The following SLC12A3 variants were observed in gnomAD, a reference collection of about 807,000 sequenced individuals.
SLC12A3 encodes solute carrier family 12 member 3, also known as Na-Cl cotransporter.
Under a neutral mutation model 121.0 loss-of-function variants are expected in SLC12A3, and 104 were observed. The ratio of observed to expected loss-of-function variants is 0.86; its 90% CI spans 0.73 to 1.01. The LOEUF is 1.01. Among genes scored for constraint, SLC12A3 ranks in the 50% least tolerant of loss-of-function variants. The probability of loss-of-function intolerance (pLI) is 0.00; values close to 1 mark genes in which losing one functional copy is unlikely to be tolerated. For missense variants in SLC12A3, 1,328 were observed against 1,356.3 expected (o/e 0.98, Z 0.33); for synonymous variants, 536 against 533.4 (o/e 1.00, Z -0.07).
intron 24 of SLC12A3, chr16:56,904,136 C>A (rs1203989164): frequency 2.3e-6 from 1 of 440,038 alleles, no homozygotes; most frequent in Admixed American, 3.2e-5. Context: ...TCTCTTCCCT[C>A]TACCCTGCTG....
intron 2 of SLC12A3, 95 bp downstream of exon 2, chr16:56,867,311 G>A: frequency 7.7e-7 from 1 of 1,304,676 alleles, no homozygotes; most frequent in East Asian, 2.5e-5. Flanking sequence ...GCCCTGGTGG[G>A]GCTTCAGTTT....
In SLC12A3 at chr16:56,913,365, G is replaced by A. The variant is rs370175770; in HGVS notation, c.3026G>A (p.Arg1009Gln). The A allele has an allele frequency of 2.1e-5, 34 of 1,614,090 alleles. No individual in the cohort carries two copies. Among genetic ancestry groups the A allele is most frequent in the African/African-American group, 1.1e-4 (8 of 74,930 alleles). The change falls in exon 26 of 26, where the codon CGA becomes CAA. Residue 1009 changes from arginine to glutamine, a missense_variant. Physicochemically the swap from Arg to Gln is conservative, Grantham distance 43. Transcript: ENST00000563236. ...CTCAGACCTCCAGTCATCCTGATCC[G>A]AGGAAACCAGGAAAACGTGCTCACC... The part of the protein sequence containing the change: ...QDLRPPVILI[R>Q]GNQENVLTFY...
rs2055341487 is a variant in SLC12A3, at chr16:56,887,968, G to A, written c.2222G>A (p.Gly741Glu). 1.9e-6 allele frequency: 3 copies of A among 1,612,900 alleles called. No homozygotes were observed. Among genetic ancestry groups the A allele is most frequent in the Non-Finnish European group, 2.5e-6 (3 of 1,179,444 alleles). ...ATGAAGCCCAACATTCTGGTGGTTG[G>A]GTTCAAGAAGAACTGGCAGTCGGCT... Reference protein sequence around the residue: ...GRMKPNILVVGFKKNWQSAHP... With the variant: ...GRMKPNILVVEFKKNWQSAHP... Residue 741 changes from glycine to glutamate, a missense_variant, in exon 18 of 26, where the codon GGG becomes GAG. Physicochemically the swap from Gly to Glu is moderately conservative, Grantham distance 98 (BLOSUM62 -2). Coordinates refer to ENST00000563236, the MANE Select transcript of SLC12A3 (RefSeq NM_001126108.2).
Position 56,870,170 on chromosome 16 carries a change from G to T in SLC12A3, c.676G>T (p.Ala226Ser). The T allele has an allele frequency of 1.9e-6, 3 of 1,614,004 alleles. No individual in the cohort carries two copies. The highest frequency in any genetic ancestry group is 2.5e-6 in the Non-Finnish European group (3 of 1,180,050). ...CTCCATCGGCCTCATTTTCGCTTTCGCCAATGCCGTGGGTGTGGCCATGCA... is the reference window on the plus strand; with the variant it reads ...CTCCATCGGCCTCATTTTCGCTTTCTCCAATGCCGTGGGTGTGGCCATGCA... ...GGSIGLIFAF[A>S]NAVGVAMHTV... is the part of the protein sequence containing the mutation. The change falls in exon 5 of 26, where the codon GCC (alanine) becomes TCC (serine). Residue 226 changes from alanine (A) to serine (S), a missense_variant. By Grantham distance (99) the Ala-to-Ser change is moderately conservative. Transcript: ENST00000563236.
intron 24 of SLC12A3, among the ~76,000 whole-genome samples, chr16:56,903,323 G>A (rs542261270): frequency 1.8e-4 from 27 of 152,234 alleles, no homozygotes; most frequent in Admixed American, 1.3e-3. Context: ...CTGTGAGTGC[G>A]TCAAGGTGGG....
intron 8 of SLC12A3, among the ~76,000 whole-genome samples, chr16:56,877,761 G>A (rs1483401469): frequency 1.3e-5 from 2 of 152,170 alleles, no homozygotes; most frequent in African/African-American, 2.4e-5. Flanking sequence ...CCCTGGCCAA[G>A]TGGCCTCTGT....
At chr16:56,873,370 CTTTCTTTTTTTTTTT>C (rs1406449526) in intron 8 of SLC12A3, among the ~76,000 whole-genome samples, 243 of 96,936 alleles carry the variant, frequency 2.5e-3, no homozygotes, top group African/African-American at 9.0e-3. Flanking sequence ...GTTTCTCTTT[CTTTCTTTTTTTTTTT>C]TTTTTTTTTT....
intron 21 of SLC12A3, among the ~76,000 whole-genome samples, chr16:56,893,587 C>A (rs1213380038): frequency 6.6e-6 from 1 of 152,192 alleles, no homozygotes; most frequent in Non-Finnish European, 1.5e-5. Context: ...ATGATTAACT[C>A]CGCTTTATAA....
At chr16:56,872,619 C>T (rs764713806) in intron 7 of SLC12A3, 37 bp from the exon 8 acceptor site, 4 of 1,614,138 alleles carry the variant, frequency 2.5e-6, no homozygotes, top group Non-Finnish European at 2.5e-6. Context: ...GTCAAGCCCT[C>T]CAGGTGAGCC....
intron 5 of SLC12A3, 73 bp downstream of exon 5, chr16:56,870,308 G>A (rs2055076352): frequency 6.6e-7 from 1 of 1,516,124 alleles, no homozygotes. Flanking sequence ...CCCCATCTGG[G>A]CTGGGGCCTC....
At chr16:56,887,881 T>C (rs758436159) in intron 17 of SLC12A3, 44 bp from the exon 18 acceptor site, 2 of 1,445,344 alleles carry the variant, frequency 1.4e-6, no homozygotes, top group Non-Finnish European at 1.9e-6. Context: ...TCACCAACTC[T>C]GCCCCTCTGA....
In SLC12A3 at chr16:56,889,370, G is replaced by A. The variant is rs183785851; in HGVS notation, c.2286-904G>A. Reference sequence around the variant, plus strand: ...CTAAGGAGCCCAGGGAGGGCAGTGCGCAGCCCATTGGCCCAAACCCCAGTG... The same window carrying A: ...CTAAGGAGCCCAGGGAGGGCAGTGCACAGCCCATTGGCCCAAACCCCAGTG... On this transcript the variant is annotated intron_variant, in intron 18 of 25. Transcript: ENST00000563236. Among the ~76,000 whole-genome samples, 9 of 152,358 alleles carry A rather than the reference G, an allele frequency of 5.9e-5. 1 individual carries two copies. The highest frequency in any genetic ancestry group is 4.1e-4 in the South Asian group (2 of 4,826).
chr16:56,871,520 T>C (rs4329913), intron 6 of SLC12A3, among the ~76,000 whole-genome samples: 128,864 of 152,180 alleles, frequency 0.85, 55,099 homozygotes, highest in East Asian at 0.99. Context: ...TCCCCGCATT[T>C]TCTGACCTGC....
chr16:56,894,602 G>A lies in SLC12A3; in HGVS notation c.2593G>A (p.Val865Ile), dbSNP rs773166282. The A allele has an allele frequency of 1.9e-5, 30 of 1,614,006 alleles. No homozygotes were observed. The highest frequency in any genetic ancestry group is 8.9e-5 in the East Asian group (4 of 44,898). ...GAGCAAATGCAAGATCCGTGTGTTC[G>A]TAGGCGGCCAGATTAACAGGATGGA... is the stretch of plus-strand genomic sequence containing the variant. ...RWSKCKIRVF[V>I]GGQINRMDQE... is the part of the protein sequence containing the mutation. The change falls in exon 22 of 26, where the codon GTA becomes ATA. Residue 865 changes from valine to isoleucine, a missense_variant. Physicochemically the swap from Val to Ile is conservative, Grantham distance 29 (BLOSUM62 3). Transcript: ENST00000563236.
intron 25 of SLC12A3, among the ~76,000 whole-genome samples, chr16:56,905,576 G>A (rs1286497840): frequency 1.3e-5 from 2 of 151,660 alleles, no homozygotes; most frequent in Admixed American, 6.6e-5. Flanking sequence ...CATGACAGCC[G>A]AAATGTTCGT....
intron 2 of SLC12A3, 137 bp downstream of exon 2, chr16:56,867,353 T>C (rs1483803208): frequency 1.1e-6 from 1 of 888,410 alleles, no homozygotes; most frequent in African/African-American, 1.7e-5. Context: ...AATGAGTTAA[T>C]AGATCAATAG....
chr16:56,884,826 G>A (rs1181282667), intron 14 of SLC12A3, among the ~76,000 whole-genome samples: 1 of 152,156 alleles, frequency 6.6e-6, no homozygotes, highest in Non-Finnish European at 1.5e-5. Flanking sequence ...GAGTGCAGCA[G>A]CACAACCTCG....
intron 8 of SLC12A3, among the ~76,000 whole-genome samples, chr16:56,876,878 A>G (rs1444075653): frequency 1.3e-5 from 2 of 152,160 alleles, no homozygotes; most frequent in Non-Finnish European, 2.9e-5. Context: ...TAAAAATCCC[A>G]GCCTGTGTTG....
Position 56,887,002 on chromosome 16 carries a change from A to G in SLC12A3, c.2087A>G (p.His696Arg), listed in dbSNP as rs1330027016. 1.2e-6 allele frequency: 2 copies of G among 1,613,006 alleles called. No individual in the cohort carries two copies. Among genetic ancestry groups the G allele is most frequent in the Admixed American group, 1.7e-5 (1 of 59,986 alleles). Residue 696 changes from histidine (H) to arginine (R), a missense_variant, in exon 17 of 26, where the codon CAC becomes CGC. By Grantham distance (29) the His-to-Arg change is conservative (BLOSUM62 0). Transcript: ENST00000563236. ...GAGCTCCAGCTCATCGCCAACGGGC[A>G]CACCAAGTGGCTGAACAAGAGGAAG... is the stretch of plus-strand genomic sequence containing the variant. ...MPELQLIANG[H>R]TKWLNKRKIK...
Sources: gnomAD v4.1 joint callset for allele counts (sites outside exome capture counted in the v4.1 genomes callset) on GRCh38, gnomAD v4.1.1 for gene constraint, MANE v1.5 for transcripts, NCBI Gene and HGNC (gene_info 2026-07-23, HGNC 2026-07-21) for gene names.